UGP2: variants seen among roughly 807,000 people sequenced by gnomAD.
The protein encoded by UGP2 is UDP-glucose pyrophosphorylase 2.
In UGP2, 40 loss-of-function variants were observed where a neutral mutation model predicts 49.0. That is an observed-to-expected ratio of 0.82 (90% CI 0.63 to 1.06). The LOEUF is 1.06. Ranked by LOEUF, UGP2 falls within the 50% of genes least tolerant of loss-of-function variation. The probability of loss-of-function intolerance (pLI) is 0.00; values close to 1 mark genes in which losing one functional copy is unlikely to be tolerated. For synonymous variants in UGP2, 225 were observed against 213.0 expected (o/e 1.06, Z -0.49); for missense variants, 460 against 603.5 (o/e 0.76, Z 2.49).
chr2:63,879,322 T>C (rs996183895), intron 3 of UGP2, among the ~76,000 whole-genome samples: 2 of 152,224 alleles, frequency 1.3e-5, no homozygotes, highest in Non-Finnish European at 2.9e-5. Flanking sequence ...TTGAAAACAT[T>C]GTTATATATA....
At chr2:63,888,461 A>G (rs567484404) in intron 8 of UGP2, 2 of 152,238 alleles carry the variant, frequency 1.3e-5, no homozygotes, top group Non-Finnish European at 2.9e-5. Context: ...AAACTCTGAA[A>G]TAAATGTGAG....
intron 3 of UGP2, among the ~76,000 whole-genome samples, chr2:63,868,201 GAGATGTTTAA>G (rs1369526695): frequency 6.6e-6 from 1 of 152,168 alleles, no homozygotes; most frequent in African/African-American, 2.4e-5. Context: ...TATGGAGGTG[GAGATGTTTAA>G]AGAGTTGGTG....
At chr2:63,854,180 T>C (rs1044913033) in intron 1 of UGP2, among the ~76,000 whole-genome samples, 2 of 152,230 alleles carry the variant, frequency 1.3e-5, no homozygotes, top group Non-Finnish European at 2.9e-5. Context: ...GTCATTCAAC[T>C]ATTTTCAACC....
intron 1 of UGP2, among the ~76,000 whole-genome samples, chr2:63,845,712 T>A (rs1038578483): frequency 1.3e-5 from 2 of 152,146 alleles, no homozygotes; most frequent in Non-Finnish European, 2.9e-5. Context: ...ATATCCCTTA[T>A]GGTAGGCACT....
intron 3 of UGP2, among the ~76,000 whole-genome samples, chr2:63,861,179 A>C (rs1295919643): frequency 6.6e-6 from 1 of 151,980 alleles, no homozygotes; most frequent in Non-Finnish European, 1.5e-5. Context: ...TATATATATA[A>C]AGGTTAATGT....
At chr2:63,889,153 G>A (rs1671897873) in intron 8 of UGP2, 1 of 152,312 alleles carries the variant, frequency 6.6e-6, no homozygotes, top group African/African-American at 2.4e-5. Flanking sequence ...TCAGTATGGA[G>A]GTTTGGGAGC....
intron 3 of UGP2, among the ~76,000 whole-genome samples, chr2:63,860,045 A>G (rs548289538): frequency 1.3e-5 from 2 of 152,262 alleles, no homozygotes; most frequent in African/African-American, 4.8e-5. Context: ...TCTCTTTCCC[A>G]TAGGTTTCCT....
rs923088620 is a variant in UGP2, at chr2:63,887,375, C to A, written c.1072-27C>A. On this transcript the variant is annotated intron_variant, in intron 7 of 9. Transcript: ENST00000337130. ...TGTAGGTGCCTAAAACCTCTGTTTTCTATTCCCCACCCCTAATTTCTTACA... is the reference window on the plus strand; with the variant it reads ...TGTAGGTGCCTAAAACCTCTGTTTTATATTCCCCACCCCTAATTTCTTACA... The A allele has an allele frequency of 2.5e-6, 4 of 1,612,160 alleles. No homozygotes were observed. The African/African-American group carries it at 4.0e-5, about 16-fold the overall frequency.
intron 3 of UGP2, among the ~76,000 whole-genome samples, chr2:63,870,261 A>G (rs1473340346): frequency 6.6e-6 from 1 of 152,214 alleles, no homozygotes; most frequent in Non-Finnish European, 1.5e-5. Context: ...TTTGGGAGTT[A>G]ATAGCTGGGA....
chr2:63,876,710 C>G (rs140596702), intron 3 of UGP2, among the ~76,000 whole-genome samples: 155 of 152,336 alleles, frequency 1.0e-3, no homozygotes, highest in African/African-American at 3.4e-3. Context: ...ATAAATACAA[C>G]ACATCACAGA....
chr2:63,883,049 TTC>T (rs764911964), intron 4 of UGP2, among the ~76,000 whole-genome samples: 45 of 152,192 alleles, frequency 3.0e-4, no homozygotes, highest in Non-Finnish European at 5.3e-4. Flanking sequence ...TGTTCTTGGC[TTC>T]TCTCTTAGGA....
At chr2:63,856,830 T>C (rs968340390) in intron 2 of UGP2, 4 of 458,426 alleles carry the variant, frequency 8.7e-6, no homozygotes, top group Non-Finnish European at 1.8e-5. Context: ...ACAATTGTCA[T>C]AGAAGTTTTC....
upstream of UGP2, chr2:63,841,844 G>T: frequency 8.6e-6 from 2 of 231,916 alleles, no homozygotes; most frequent in Non-Finnish European, 1.7e-5. Flanking sequence ...AGCCGCTGTA[G>T]GTCCGCCTCT....
At chr2:63,860,762 A>ATTTTT (rs556819048) in intron 3 of UGP2, among the ~76,000 whole-genome samples, 22 of 123,674 alleles carry the variant, frequency 1.8e-4, no homozygotes, top group East Asian at 2.6e-4. Context: ...GGCCCAGCTA[A>ATTTTT]TTTTTTTTTT....
At chr2:63,849,977 CTCT>C (rs1004620655) in intron 1 of UGP2, among the ~76,000 whole-genome samples, 12 of 152,348 alleles carry the variant, frequency 7.9e-5, no homozygotes, top group Middle Eastern at 3.4e-3. Flanking sequence ...ATACCTCTTT[CTCT>C]TCTTCTCAAC....
At chr2:63,850,052 G>A (rs1345863545) in intron 1 of UGP2, among the ~76,000 whole-genome samples, 1 of 152,116 alleles carries the variant, frequency 6.6e-6, no homozygotes, top group Non-Finnish European at 1.5e-5. Flanking sequence ...AAACAAAGTG[G>A]TATTATTTAA....
intron 3 of UGP2, among the ~76,000 whole-genome samples, chr2:63,860,311 AC>A (rs1011647769): frequency 2.6e-5 from 4 of 152,212 alleles, no homozygotes; most frequent in African/African-American, 7.2e-5. Flanking sequence ...AGAGTCAGCC[AC>A]CTGGTTTGTA....
chr2:63,855,722 TG>T, intron 1 of UGP2: 1 of 419,718 alleles, frequency 2.4e-6, no homozygotes, highest in South Asian at 1.7e-5. Flanking sequence ...TTGTATTTTT[TG>T]TAGAGATGAG....
chr2:63,844,197 C>G (rs888191567), intron 1 of UGP2, among the ~76,000 whole-genome samples: 1 of 152,156 alleles, frequency 6.6e-6, no homozygotes, highest in Non-Finnish European at 1.5e-5. Flanking sequence ...AGTGTGAGCC[C>G]TCTATATGTT....
Sources: gnomAD v4.1 joint callset for allele counts (sites outside exome capture counted in the v4.1 genomes callset) on GRCh38, gnomAD v4.1.1 for gene constraint, MANE v1.5 for transcripts, NCBI Gene and HGNC (gene_info 2026-07-23, HGNC 2026-07-21) for gene names.